GALNT14: variants seen among roughly 807,000 people sequenced by gnomAD.
GALNT14 encodes polypeptide N-acetylgalactosaminyltransferase 14, also known as UDP-GalNAc:polypeptide N-acetylgalactosaminyltransferase 14.
In GALNT14, 60 loss-of-function variants were observed where a neutral mutation model predicts 77.5. The ratio of observed to expected loss-of-function variants is 0.77; its 90% CI spans 0.63 to 0.96. The LOEUF (loss-of-function observed/expected upper bound fraction) is 0.96. Among genes scored for constraint, GALNT14 ranks in the 40% least tolerant of loss-of-function variants. The pLI is 0.00. For synonymous variants in GALNT14, 280 were observed against 281.7 expected (o/e 0.99, Z 0.06); for missense variants, 710 against 731.0 (o/e 0.97, Z 0.33).
intron 1 of GALNT14, among the ~76,000 whole-genome samples, chr2:31,059,386 T>C (rs1356489723): frequency 2.6e-5 from 4 of 152,208 alleles, no homozygotes; most frequent in Non-Finnish European, 5.9e-5. Context: ...GGAATTCAAT[T>C]TGATATCAAA....
chr2:30,943,596 G>A (rs993421399), intron 8 of GALNT14, among the ~76,000 whole-genome samples: 1 of 152,156 alleles, frequency 6.6e-6, no homozygotes, highest in Admixed American at 6.5e-5. Flanking sequence ...AAACCCCATG[G>A]GAGCTGCACA....
chr2:31,106,005 A>ATTTCCT (rs1021288846), intron 1 of GALNT14, among the ~76,000 whole-genome samples: 8 of 152,144 alleles, frequency 5.3e-5, no homozygotes, highest in Admixed American at 2.6e-4. Context: ...CTCTTAACCA[A>ATTTCCT]TCTTCCAACC....
the GALNT14 span, among the ~76,000 whole-genome samples, chr2:30,887,324 T>C: frequency 1.3e-5 from 2 of 152,254 alleles, no homozygotes; most frequent in African/African-American, 4.8e-5. Context: ...GCTGACATTT[T>C]ACACTCCTAC....
At chr2:31,121,988 G>A (rs1298638619) in intron 1 of GALNT14, among the ~76,000 whole-genome samples, 2 of 152,080 alleles carry the variant, frequency 1.3e-5, no homozygotes, top group East Asian at 3.9e-4. Flanking sequence ...ATTTACAAAA[G>A]CCAGTGTTAT....
At chr2:30,890,316 C>T in the GALNT14 span, among the ~76,000 whole-genome samples, 22 of 152,252 alleles carry the variant, frequency 1.4e-4, no homozygotes, top group Non-Finnish European at 2.6e-4. Flanking sequence ...CTGAGAAACG[C>T]GAAGAAATCA....
At chr2:30,901,910 A>T in the GALNT14 span, among the ~76,000 whole-genome samples, 3 of 152,008 alleles carry the variant, frequency 2.0e-5, no homozygotes, top group Non-Finnish European at 2.9e-5. Flanking sequence ...TGAGCCTTTA[A>T]GATCCTTAGA....
intron 1 of GALNT14, among the ~76,000 whole-genome samples, chr2:31,121,710 C>G (rs958741051): frequency 1.3e-5 from 2 of 152,230 alleles, no homozygotes; most frequent in Admixed American, 1.3e-4. Context: ...GCCTCCTGTT[C>G]TACAGGAAGA....
At chr2:30,942,143 C>A in intron 9 of GALNT14, 58 bp downstream of exon 9, 1 of 1,287,826 alleles carries the variant, frequency 7.8e-7, no homozygotes, top group East Asian at 2.3e-5. Context: ...GAGGTCCCCG[C>A]CCCAATCCCC....
chr2:30,892,044 A>G, the GALNT14 span, among the ~76,000 whole-genome samples: 2 of 152,176 alleles, frequency 1.3e-5, no homozygotes, highest in South Asian at 4.1e-4. Flanking sequence ...CACCAATGAA[A>G]AGGCCAGATC....
chr2:30,999,032 G>A (rs1670202428), intron 1 of GALNT14, among the ~76,000 whole-genome samples: 2 of 152,176 alleles, frequency 1.3e-5, no homozygotes, highest in Non-Finnish European at 2.9e-5. Context: ...AACAGCCAGG[G>A]CCAAAAAAGG....
intron 1 of GALNT14, among the ~76,000 whole-genome samples, chr2:31,031,808 G>C (rs959864734): frequency 1.3e-5 from 2 of 152,146 alleles, no homozygotes; most frequent in Non-Finnish European, 2.9e-5. Context: ...CTTCCATGGA[G>C]GGGCAGAGGC....
intron 13 of GALNT14, among the ~76,000 whole-genome samples, chr2:30,921,333 C>T (rs1665018077): frequency 6.6e-6 from 1 of 152,226 alleles, no homozygotes; most frequent in Admixed American, 6.5e-5. Context: ...CCCACCAGCA[C>T]TGCCCACACA....
chr2:31,062,041 G>A (rs1455622763), intron 1 of GALNT14, among the ~76,000 whole-genome samples: 1 of 152,172 alleles, frequency 6.6e-6, no homozygotes, highest in African/African-American at 2.4e-5. Context: ...TTGGAATCAA[G>A]TCATACTAAT....
At chr2:30,891,151 A>G in the GALNT14 span, among the ~76,000 whole-genome samples, 1 of 152,198 alleles carries the variant, frequency 6.6e-6, no homozygotes, top group South Asian at 2.1e-4. Flanking sequence ...GGCATGAGAC[A>G]TGGGAGGAAA....
chr2:31,086,971 T>C (rs775137159), intron 1 of GALNT14, among the ~76,000 whole-genome samples: 1 of 152,200 alleles, frequency 6.6e-6, no homozygotes, highest in Non-Finnish European at 1.5e-5. Context: ...AAGCACTTAA[T>C]TATGGTAACT....
At chr2:31,050,007 C>T (rs944022480) in intron 1 of GALNT14, among the ~76,000 whole-genome samples, 5 of 152,164 alleles carry the variant, frequency 3.3e-5, no homozygotes, top group South Asian at 2.1e-4. Context: ...CAATGGGCAG[C>T]GATGGGGACG....
chr2:30,908,181 A>G (rs1484323094), downstream of GALNT14, among the ~76,000 whole-genome samples: 1 of 148,104 alleles, frequency 6.8e-6, no homozygotes, highest in East Asian at 2.0e-4. Context: ...CACCACTCCT[A>G]TTCAACATAG....
At chr2:31,045,252 G>T (rs888221807) in intron 1 of GALNT14, among the ~76,000 whole-genome samples, 4 of 152,148 alleles carry the variant, frequency 2.6e-5, no homozygotes, top group Non-Finnish European at 2.9e-5. Flanking sequence ...AGAATCAAGA[G>T]ACCAGCTGAG....
intron 1 of GALNT14, among the ~76,000 whole-genome samples, chr2:31,007,870 A>G (rs1573145319): frequency 6.6e-6 from 1 of 151,994 alleles, no homozygotes. Context: ...AATTATCAAA[A>G]CCCCTGTCAC....
Sources: allele counts gnomAD v4.1 joint callset (sites outside exome capture counted in the v4.1 genomes callset), GRCh38; gene constraint gnomAD v4.1.1; transcripts MANE v1.5; gene names NCBI Gene and HGNC (gene_info 2026-07-23, HGNC 2026-07-21).